SGK3: variants seen among roughly 807,000 people sequenced by gnomAD.
SGK3 encodes the protein serine/threonine-protein kinase Sgk3.
Under a neutral mutation model 68.5 loss-of-function variants are expected in SGK3, and 47 were observed. That is an observed-to-expected ratio of 0.69 (90% CI 0.54 to 0.87). The LOEUF is 0.87. Among genes scored for constraint, SGK3 ranks in the 40% least tolerant of loss-of-function variants. SGK3 has a pLI of 0.00. For synonymous variants in SGK3, 181 were observed against 189.1 expected, an observed-to-expected ratio of 0.96 and a Z score of 0.35; for missense variants, 479 against 575.5, an observed-to-expected ratio of 0.83 and a Z score of 1.72.
At chr8:66,827,066 T>C (rs1282317552) in intron 6 of SGK3, among the ~76,000 whole-genome samples, 1 of 152,052 alleles carries the variant, frequency 6.6e-6, no homozygotes, top group Non-Finnish European at 1.5e-5. Flanking sequence ...TACATATGTC[T>C]ATAATAAGAA....
chr8:66,822,271 A>G, intron 5 of SGK3, 101 bp from the exon 6 acceptor site: 1 of 1,021,238 alleles, frequency 9.8e-7, no homozygotes, highest in Non-Finnish European at 1.4e-6. Flanking sequence ...TTCTTACTGT[A>G]AATACTAATA....
intron 1 of SGK3, among the ~76,000 whole-genome samples, chr8:66,727,000 T>C (rs1423000915): frequency 1.3e-5 from 2 of 152,138 alleles, no homozygotes; most frequent in Non-Finnish European, 2.9e-5. Flanking sequence ...GTACCACTTA[T>C]ATTAATCCAT....
rs530922019 is a variant in SGK3 at position 66,820,448 on chromosome 8, C to T, written c.330-1924C>T. ...TAACACCACATTTTGTTTATCCATTCATCTATTGGTGGACATTTGGGATAT... is the reference window on the plus strand; with the variant it reads ...TAACACCACATTTTGTTTATCCATTTATCTATTGGTGGACATTTGGGATAT... On this transcript the variant is annotated intron_variant, in intron 5 of 16. Coordinates refer to ENST00000521198, the MANE Select transcript of SGK3 (RefSeq NM_001033578.3). 5.3e-5 allele frequency among the ~76,000 whole-genome samples: 8 copies of T among 152,188 alleles called. No individual in the cohort carries two copies. In the South Asian group the frequency reaches 1.7e-3, roughly 32 times the overall value.
At chr8:66,821,385 C>T (rs539171333) in intron 5 of SGK3, among the ~76,000 whole-genome samples, 8 of 151,996 alleles carry the variant, frequency 5.3e-5, no homozygotes, top group African/African-American at 1.9e-4. Flanking sequence ...ACTGGTATTC[C>T]CTATAGGCAG....
intron 1 of SGK3, among the ~76,000 whole-genome samples, chr8:66,770,951 G>T (rs551281867): frequency 4.6e-5 from 7 of 152,088 alleles, no homozygotes; most frequent in Non-Finnish European, 1.0e-4. Context: ...AGTAAGCTGC[G>T]GGTAAATTTT....
At chr8:66,730,683 A>C (rs1255013976) in intron 1 of SGK3, among the ~76,000 whole-genome samples, 8 of 146,802 alleles carry the variant, frequency 5.4e-5, no homozygotes, top group African/African-American at 2.2e-4. Context: ...TTGTCTCAGC[A>C]CTGTTTTTTG....
At chr8:66,834,896 C>T (rs1391707761) in intron 8 of SGK3, among the ~76,000 whole-genome samples, 2 of 148,154 alleles carry the variant, frequency 1.3e-5, no homozygotes, top group East Asian at 2.0e-4. Flanking sequence ...GCCGAGATCG[C>T]GCCACTGCAC....
intron 7 of SGK3, 137 bp from the exon 8 acceptor site, chr8:66,831,117 G>A (rs1309407308): frequency 2.2e-6 from 2 of 904,210 alleles, no homozygotes; most frequent in Non-Finnish European, 3.4e-6. Flanking sequence ...GAAGTACTCA[G>A]CAGGAAAGCT....
intron 4 of SGK3, among the ~76,000 whole-genome samples, chr8:66,807,266 A>G (rs1374155815): frequency 6.6e-6 from 1 of 152,210 alleles, no homozygotes; most frequent in Admixed American, 6.5e-5. Context: ...GCAGAAAAAT[A>G]TTAAGAAATC....
chr8:66,755,069 A>C lies in SGK3; in HGVS notation c.-121-38547A>C, dbSNP rs181321751. On this transcript the variant is annotated intron_variant, in intron 1 of 16. Transcript: ENST00000521198. ...AGGTCAGGAGTTCAAGACCACCCTG[A>C]CCAACATGGTGAAACCTCGTCTCTA... 4.0e-3 allele frequency among the ~76,000 whole-genome samples: 614 copies of C among 152,048 alleles called. 8 individuals carry two copies. Among genetic ancestry groups the C allele is most frequent in the East Asian group, 0.015 (77 of 5,162 alleles).
At chr8:66,793,048 G>T (rs1563630174) in intron 1 of SGK3, among the ~76,000 whole-genome samples, 1 of 152,170 alleles carries the variant, frequency 6.6e-6, no homozygotes, top group African/African-American at 2.4e-5. Flanking sequence ...CATTTATTTT[G>T]TAGGAAGATC....
At chr8:66,728,786 G>A (rs1805052365) in intron 1 of SGK3, among the ~76,000 whole-genome samples, 1 of 152,048 alleles carries the variant, frequency 6.6e-6, no homozygotes. Flanking sequence ...TGGGTGTGGT[G>A]GTGTGTACCT....
rs1392076250 is a variant in SGK3, at chr8:66,773,641, G to T, written c.-121-19975G>T. On this transcript the variant is annotated intron_variant, in intron 1 of 16. Transcript: ENST00000521198. ...TGGGGCTATCATGAAGTAAAATAAG[G>T]GTTCCTTGAACACAAGCACTGTGAC... is the stretch of plus-strand genomic sequence containing the variant. Among the ~76,000 whole-genome samples the T allele has an allele frequency of 5.3e-5, 8 of 152,130 alleles. No individual in the cohort carries two copies. In the East Asian group the frequency reaches 1.5e-3, roughly 29 times the overall value.
intron 1 of SGK3, among the ~76,000 whole-genome samples, chr8:66,758,177 A>G (rs1023398879): frequency 6.6e-6 from 1 of 151,920 alleles, no homozygotes; most frequent in Non-Finnish European, 1.5e-5. Flanking sequence ...AACATGGCGA[A>G]ACCCTGTCTC....
At chr8:66,730,327 A>G (rs1156456307) in intron 1 of SGK3, among the ~76,000 whole-genome samples, 1 of 152,166 alleles carries the variant, frequency 6.6e-6, no homozygotes, top group Non-Finnish European at 1.5e-5. Flanking sequence ...GAATTATATG[A>G]ATTATTTACA....
chr8:66,729,737 T>A lies in SGK3; in HGVS notation c.-122+16904T>A, dbSNP rs527361677. On this transcript the variant is annotated intron_variant, in intron 1 of 16. Coordinates refer to ENST00000521198, the MANE Select transcript of SGK3 (RefSeq NM_001033578.3). ...AATGCCTACATTTATTTATTTATTT[T>A]TATTTATTTATTTATTTATTTATTG... Among the ~76,000 whole-genome samples the A allele has an allele frequency of 1.2e-3, 149 of 119,358 alleles. 2 individuals carry two copies. Among genetic ancestry groups the A allele is most frequent in the Admixed American group, 1.5e-3 (19 of 12,704 alleles). 78.3% of individuals were successfully genotyped at this position (119,358 alleles called of 152,430 possible). A position where few individuals can be genotyped will look rare whatever the true frequency, so the allele number is the denominator to read the frequency against.
chr8:66,842,381 T>C (rs548304046), intron 13 of SGK3, among the ~76,000 whole-genome samples: 199 of 152,086 alleles, frequency 1.3e-3, no homozygotes, highest in African/African-American at 4.6e-3. Context: ...CCACCACGCC[T>C]GGCTAATTTT....
chr8:66,827,386 C>CAAAAAA (rs757439616), intron 6 of SGK3, among the ~76,000 whole-genome samples: 2 of 52,330 alleles, frequency 3.8e-5, no homozygotes, highest in Non-Finnish European at 8.7e-5. Context: ...AACTCTATCT[C>CAAAAAA]AAAAAAAAAA....
intron 1 of SGK3, among the ~76,000 whole-genome samples, chr8:66,779,962 A>C (rs1806907479): frequency 6.6e-6 from 1 of 152,074 alleles, no homozygotes; most frequent in South Asian, 2.1e-4. Flanking sequence ...ATCTGTGTTT[A>C]TCCTGAGTTC....
Sources: allele counts gnomAD v4.1 joint callset (sites outside exome capture counted in the v4.1 genomes callset), GRCh38; gene constraint gnomAD v4.1.1; transcripts MANE v1.5; gene names NCBI Gene and HGNC (gene_info 2026-07-23, HGNC 2026-07-21).